DPYSL4: variants seen among roughly 807,000 people sequenced by gnomAD.
The protein encoded by DPYSL4 is dihydropyrimidinase like 4.
DPYSL4 carries 43 observed loss-of-function variants against 63.4 expected under a neutral mutation model. The ratio of observed to expected loss-of-function variants is 0.68; its 90% CI spans 0.53 to 0.88. The LOEUF (loss-of-function observed/expected upper bound fraction) is 0.88. Among genes scored for constraint, DPYSL4 ranks in the 40% least tolerant of loss-of-function variants. The pLI is 0.00. For synonymous variants in DPYSL4, 353 were observed against 331.7 expected (o/e 1.06, Z -0.70); for missense variants, 733 against 819.5 (o/e 0.89, Z 1.29).
chr10:132,201,534 AG>A (rs1347063865), intron 10 of DPYSL4, among the ~76,000 whole-genome samples: 4 of 152,266 alleles, frequency 2.6e-5, no homozygotes, highest in African/African-American at 7.2e-5. Flanking sequence ...GGCTTCGCCC[AG>A]GAAGGGGCAG....
At chr10:132,202,500 T>C in intron 11 of DPYSL4, 146 bp from the exon 12 acceptor site, 3 of 1,071,170 alleles carry the variant, frequency 2.8e-6, no homozygotes, top group Non-Finnish European at 4.0e-6. Flanking sequence ...TTCCAACCCC[T>C]CAGTTCCAGC....
intron 1 of DPYSL4, among the ~76,000 whole-genome samples, chr10:132,189,989 G>C (rs937579426): frequency 5.3e-5 from 8 of 152,178 alleles, no homozygotes; most frequent in Admixed American, 4.6e-4. Flanking sequence ...GCTGATGGCA[G>C]CTCAAGCCCT....
chr10:132,195,002 G>A lies in DPYSL4; in HGVS notation c.471G>A (p.Lys157=). Residue 157 remains lysine, a synonymous_variant, in exon 4 of 14, where the codon AAG becomes AAA. Coordinates refer to ENST00000338492, the MANE Select transcript of DPYSL4 (RefSeq NM_006426.3). ...SIKEELEALV[K]EKGVNSFLVF... ...AGGAGGAGCTGGAGGCCCTGGTCAAGGAGAAGGGTGAGGGTGGCTGGAGGG... is the reference window on the plus strand; with the variant it reads ...AGGAGGAGCTGGAGGCCCTGGTCAAAGAGAAGGGTGAGGGTGGCTGGAGGG... The A allele has an allele frequency of 6.2e-7, 1 of 1,603,492 alleles. No individual in the cohort carries two copies. Among genetic ancestry groups the A allele is most frequent in the Admixed American group, 1.7e-5 (1 of 59,982 alleles).
At chr10:132,202,209 G>T in intron 11 of DPYSL4, 93 bp downstream of exon 11, 3 of 1,488,438 alleles carry the variant, frequency 2.0e-6, no homozygotes, top group Non-Finnish European at 2.7e-6. Context: ...AGAGGCCCAC[G>T]TGGCAGCAGC....
chr10:132,199,784 C>CT (rs1040728550), intron 8 of DPYSL4, among the ~76,000 whole-genome samples: 3 of 152,064 alleles, frequency 2.0e-5, no homozygotes, highest in African/African-American at 7.2e-5. Flanking sequence ...GAAAAGGACT[C>CT]TGAGGCGTGC....
At chr10:132,188,841 A>C (rs2061836829) in intron 1 of DPYSL4, among the ~76,000 whole-genome samples, 1 of 152,226 alleles carries the variant, frequency 6.6e-6, no homozygotes, top group Non-Finnish European at 1.5e-5. Flanking sequence ...TTTTCAGTGA[A>C]TATACAAGAA....
chr10:132,196,787 G>T, intron 4 of DPYSL4, 74 bp from the exon 5 acceptor site: 2 of 1,546,472 alleles, frequency 1.3e-6, no homozygotes, highest in Non-Finnish European at 1.8e-6. Context: ...CCCTCCAGTG[G>T]GCAGGAGCAG....
intron 6 of DPYSL4, among the ~76,000 whole-genome samples, chr10:132,197,309 T>C (rs2061958836): frequency 6.6e-6 from 1 of 152,172 alleles, no homozygotes; most frequent in Non-Finnish European, 1.5e-5. Flanking sequence ...GATGGGGAGC[T>C]TTGAGGCCAT....
intron 2 of DPYSL4, 145 bp from the exon 3 acceptor site, chr10:132,192,513 C>A (rs2061891412): frequency 1.4e-6 from 2 of 1,410,792 alleles, no homozygotes; most frequent in Admixed American, 3.0e-5. Flanking sequence ...TCCCGAGGAG[C>A]TAGTCCAGTG....
chr10:132,201,653 G>A (rs1183376018), intron 10 of DPYSL4, among the ~76,000 whole-genome samples: 1 of 152,240 alleles, frequency 6.6e-6, no homozygotes, highest in Non-Finnish European at 1.5e-5. Flanking sequence ...CGAGGGCCGT[G>A]GCTGGAGCCC....
rs1370106544 is a variant in DPYSL4 at position 132,187,096 on chromosome 10, G to A, written c.33G>A (p.Arg11=). 2 of 1,463,660 alleles carry A rather than the reference G, an allele frequency of 1.4e-6. No individual in the cohort carries two copies. The highest frequency in any genetic ancestry group is 1.8e-6 in the Non-Finnish European group (2 of 1,087,412). 90.7% of individuals were successfully genotyped at this position (1,463,660 alleles called of 1,614,324 possible). Residue 11 remains arginine (R), a synonymous_variant, in exon 1 of 14, where the codon CGG becomes CGA. Transcript: ENST00000338492. ...TCCAGGGCAAGAAAAGCATCCCCCG[G>A]ATCACGGTGAGCCCGGTCCCGCTTC... MSFQGKKSIP[R]ITSDRLLIRG... is the part of the protein sequence containing the mutation.
chr10:132,205,089 C>T lies in DPYSL4; in HGVS notation c.*159C>T. ...TCCCCACAGGCTCTCCTTGTGGGGT[C>T]CCAGGTCCTGCTGCCAAGAGCCCCT... On this transcript the variant is annotated 3_prime_UTR_variant, in exon 14 of 14. Transcript: ENST00000338492. 1 of 515,406 alleles carries T rather than the reference C, an allele frequency of 1.9e-6. No individual in the cohort carries two copies. The highest frequency in any genetic ancestry group is 3.6e-5 in the Admixed American group (1 of 27,774). The allele number at this position is 515,406 out of a possible 1,614,324, so 31.9% of individuals were successfully genotyped here.
At chr10:132,188,566 C>A (rs903172098) in intron 1 of DPYSL4, among the ~76,000 whole-genome samples, 1 of 152,160 alleles carries the variant, frequency 6.6e-6, no homozygotes, top group African/African-American at 2.4e-5. Flanking sequence ...TGGGACTGGG[C>A]AGGAGGAGGA....
intron 2 of DPYSL4, 144 bp from the exon 3 acceptor site, chr10:132,192,514 T>C: frequency 1.4e-6 from 2 of 1,412,784 alleles, no homozygotes; most frequent in African/African-American, 1.4e-5. Context: ...CCCGAGGAGC[T>C]AGTCCAGTGA....
chr10:132,204,875 C>T lies in DPYSL4; in HGVS notation c.1664C>T (p.Ala555Val), dbSNP rs779958130. 1.2e-6 allele frequency: 2 copies of T among 1,612,974 alleles called. No homozygotes were observed. Among genetic ancestry groups the T allele is most frequent in the East Asian group, 4.5e-5 (2 of 44,846 alleles). ...GATGACCACATCGCCCGACGCACAG[C>T]ACAGAAGATCATGGCACCACCTGGC... The part of the protein sequence containing the change: ...QADDHIARRT[A>V]QKIMAPPGGR... The change falls in exon 14 of 14, where the codon GCA becomes GTA. Residue 555 changes from alanine (A) to valine (V), a missense_variant. Transcript: ENST00000338492.
intron 13 of DPYSL4, among the ~76,000 whole-genome samples, 198 bp from the exon 14 acceptor site, chr10:132,204,641 C>T (rs1309807528): frequency 1.3e-5 from 2 of 152,188 alleles, no homozygotes; most frequent in African/African-American, 4.8e-5. Flanking sequence ...TCCTGGGCAG[C>T]CTCACCTGCA....
chr10:132,195,319 C>T (rs2137509164), intron 4 of DPYSL4, among the ~76,000 whole-genome samples: 1 of 152,342 alleles, frequency 6.6e-6, no homozygotes, highest in Non-Finnish European at 1.5e-5. Flanking sequence ...AGTCTCCTAG[C>T]ATCTGGGGAT....
chr10:132,187,181 G>C, intron 1 of DPYSL4, 79 bp downstream of exon 1: 1 of 1,078,882 alleles, frequency 9.3e-7, no homozygotes, highest in Non-Finnish European at 1.3e-6. Flanking sequence ...GACCCTCCTG[G>C]TCTTGTGCGT....
At chr10:132,198,335 G>A (rs2061970797) in intron 6 of DPYSL4, 80 bp from the exon 7 acceptor site, 2 of 1,419,722 alleles carry the variant, frequency 1.4e-6, no homozygotes, top group South Asian at 1.3e-5. Flanking sequence ...GGGGAATGGG[G>A]CCTCCCAGCC....
Sources: allele counts gnomAD v4.1 joint callset (sites outside exome capture counted in the v4.1 genomes callset), GRCh38; gene constraint gnomAD v4.1.1; transcripts MANE v1.5; gene names NCBI Gene and HGNC (gene_info 2026-07-23, HGNC 2026-07-21).